Variants in AUTS2 observed in about 807,000 individuals in gnomAD.
AUTS2 encodes the protein autism susceptibility gene 2 protein.
A neutral mutation model predicts 112.4 loss-of-function variants in AUTS2; 17 were observed. That is an observed-to-expected ratio of 0.15 (90% CI 0.10 to 0.23). The LOEUF is 0.23. AUTS2 is among the 10% of genes least tolerant of loss of function. The probability of loss-of-function intolerance (pLI) is 1.00; values close to 1 mark genes in which losing one functional copy is unlikely to be tolerated. For missense variants in AUTS2, 1,510 were observed against 1,701.6 expected (o/e 0.89, Z 1.98); for synonymous variants, 751 against 702.7 (o/e 1.07, Z -1.09).
chr7:70,212,707 T>C (rs1810971666), intron 4 of AUTS2, among the ~76,000 whole-genome samples: 1 of 152,020 alleles, frequency 6.6e-6, no homozygotes, highest in African/African-American at 2.4e-5. Flanking sequence ...AAAAAATGTA[T>C]GTTGAATCTT....
At chr7:70,643,756 T>C (rs1002991082) in intron 5 of AUTS2, among the ~76,000 whole-genome samples, 2 of 152,146 alleles carry the variant, frequency 1.3e-5, no homozygotes. Flanking sequence ...TCATCTCTGA[T>C]CTCTCTCTTT....
rs563010744 is a variant in AUTS2, at chr7:69,699,530, A to G, written c.309+99568A>G. On this transcript the variant is annotated intron_variant, in intron 1 of 18. Coordinates refer to ENST00000342771, the MANE Select transcript of AUTS2 (RefSeq NM_015570.4). ...AGAGAGAGCTTCCGTATTCCTTTTT[A>G]TAGCTGCTTAATATTTCATTGTATA... Among the ~76,000 whole-genome samples, 90 of 151,726 alleles carry G rather than the reference A, an allele frequency of 5.9e-4. 1 individual carries two copies. The highest frequency in any genetic ancestry group is 1.5e-3 in the South Asian group (7 of 4,814).
At chr7:70,013,074 T>G (rs1367881707) in intron 2 of AUTS2, among the ~76,000 whole-genome samples, 4 of 152,202 alleles carry the variant, frequency 2.6e-5, no homozygotes, top group African/African-American at 9.6e-5. Context: ...AAGAATTCAA[T>G]TCTCTGTAAA....
intron 1 of AUTS2, among the ~76,000 whole-genome samples, chr7:69,879,859 G>GTGT (rs1435707819): frequency 6.6e-6 from 1 of 152,146 alleles, no homozygotes; most frequent in Non-Finnish European, 1.5e-5. Context: ...GAGTGCAGTG[G>GTGT]TGTGATCATA....
At chr7:70,606,716 G>A (rs541909084) in intron 5 of AUTS2, among the ~76,000 whole-genome samples, 7 of 152,048 alleles carry the variant, frequency 4.6e-5, no homozygotes, top group Non-Finnish European at 5.9e-5. Flanking sequence ...TCCAAAATTC[G>A]CCAGGCGTGG....
intron 2 of AUTS2, among the ~76,000 whole-genome samples, chr7:69,999,797 T>C (rs1015083355): frequency 6.6e-6 from 1 of 152,120 alleles, no homozygotes; most frequent in Non-Finnish European, 1.5e-5. Context: ...TGGTGAAATA[T>C]GGTACTTTAT....
At chr7:70,147,778 G>A (rs925822946) in intron 4 of AUTS2, among the ~76,000 whole-genome samples, 9 of 152,158 alleles carry the variant, frequency 5.9e-5, no homozygotes, top group African/African-American at 2.2e-4. Flanking sequence ...TCCTAAGGGT[G>A]GAAAGCCAAA....
intron 5 of AUTS2, among the ~76,000 whole-genome samples, chr7:70,443,114 T>C (rs1344251201): frequency 7.9e-5 from 12 of 152,188 alleles, no homozygotes. Flanking sequence ...GTCATGCACC[T>C]GAAAAAGAAG....
intron 4 of AUTS2, among the ~76,000 whole-genome samples, chr7:70,136,427 C>T (rs1806566541): frequency 6.6e-6 from 1 of 152,122 alleles, no homozygotes; most frequent in Non-Finnish European, 1.5e-5. Flanking sequence ...TATTGTTGCC[C>T]AGTCCTCATG....
intron 10 of AUTS2, 119 bp from the exon 11 acceptor site, chr7:70,771,430 G>C (rs991523151): frequency 7.1e-6 from 5 of 699,806 alleles, no homozygotes; most frequent in Non-Finnish European, 1.2e-5. Context: ...TTGACTAATG[G>C]CATCAAACTG....
chr7:70,205,153 G>A (rs1418949399), intron 4 of AUTS2, among the ~76,000 whole-genome samples: 2 of 152,104 alleles, frequency 1.3e-5, no homozygotes, highest in Non-Finnish European at 2.9e-5. Context: ...GGATCTTCCT[G>A]CCTCAGCCTC....
In AUTS2 at chr7:70,660,186, A is replaced by C. The variant is rs578160365; in HGVS notation, c.691-38383A>C. Among the ~76,000 whole-genome samples, 78 of 152,180 alleles carry C rather than the reference A, an allele frequency of 5.1e-4. 1 individual carries two copies. The highest frequency in any genetic ancestry group is 2.1e-3 in the East Asian group (11 of 5,168). On this transcript the variant is annotated intron_variant, in intron 5 of 18. Transcript: ENST00000342771. ...AGTGAGACTCTGTCTCAAAAAAAAA[A>C]AGAAAAGAAAAAAAGGAAAGAAAGA...
intron 1 of AUTS2, among the ~76,000 whole-genome samples, chr7:69,641,854 C>G (rs769263680): frequency 3.3e-5 from 5 of 152,210 alleles, no homozygotes; most frequent in African/African-American, 4.8e-5. Flanking sequence ...CTGTTCTCCA[C>G]TAGTGATTGA....
At chr7:70,577,882 G>A (rs887926728) in intron 5 of AUTS2, among the ~76,000 whole-genome samples, 47 of 151,198 alleles carry the variant, frequency 3.1e-4, no homozygotes, top group Non-Finnish European at 6.3e-4. Flanking sequence ...CCAGGCTGGA[G>A]TGCAGTGGCG....
chr7:70,701,591 G>C (rs1354445871), intron 6 of AUTS2, among the ~76,000 whole-genome samples: 2 of 152,250 alleles, frequency 1.3e-5, no homozygotes, highest in African/African-American at 2.4e-5. Flanking sequence ...TGTTCCGAAT[G>C]GTCGTTTTCT....
intron 5 of AUTS2, among the ~76,000 whole-genome samples, chr7:70,529,195 T>C (rs932933348): frequency 6.6e-6 from 1 of 152,116 alleles, no homozygotes; most frequent in African/African-American, 2.4e-5. Context: ...TGCAATTCTC[T>C]CCAAATTCTG....
chr7:70,400,468 A>G (rs1425075612), intron 4 of AUTS2, among the ~76,000 whole-genome samples: 1 of 152,188 alleles, frequency 6.6e-6, no homozygotes, highest in Non-Finnish European at 1.5e-5. Context: ...AGGACATTGA[A>G]GGCAGAGAAA....
chr7:69,638,001 A>G (rs1163343696), intron 1 of AUTS2, among the ~76,000 whole-genome samples: 2 of 152,324 alleles, frequency 1.3e-5, no homozygotes, highest in East Asian at 3.9e-4. Context: ...AGGTCATCTA[A>G]GACCCTCCCC....
At chr7:70,111,653 G>A (rs148620348) in intron 2 of AUTS2, among the ~76,000 whole-genome samples, 112 of 152,120 alleles carry the variant, frequency 7.4e-4, no homozygotes, top group African/African-American at 2.6e-3. Context: ...GATTTTTGCA[G>A]CTTTTTAAAT....
Sources: allele counts gnomAD v4.1 joint callset (sites outside exome capture counted in the v4.1 genomes callset), GRCh38; gene constraint gnomAD v4.1.1; transcripts MANE v1.5; gene names NCBI Gene and HGNC (gene_info 2026-07-23, HGNC 2026-07-21).